TDRD9: variants seen among roughly 807,000 people sequenced by gnomAD.
TDRD9 encodes ATP-dependent RNA helicase TDRD9.
In TDRD9, 124 loss-of-function variants were observed where a neutral mutation model predicts 172.6. That is an observed-to-expected ratio of 0.72 (90% CI 0.62 to 0.83). The LOEUF is 0.83. TDRD9 is among the 40% of genes least tolerant of loss of function. The pLI, the probability that TDRD9 is intolerant of heterozygous loss-of-function variation, is 0.00. For missense variants in TDRD9, 1,479 were observed against 1,714.1 expected, an observed-to-expected ratio of 0.86 and a Z score of 2.42; for synonymous variants, 619 against 617.1, an observed-to-expected ratio of 1.00 and a Z score of -0.05.
At chr14:104,000,046 G>A (rs2034207539) in intron 13 of TDRD9, among the ~76,000 whole-genome samples, 1 of 152,166 alleles carries the variant, frequency 6.6e-6, no homozygotes, top group Non-Finnish European at 1.5e-5. Context: ...GGGTCACAGA[G>A]GCCAGGTGCG....
intron 14 of TDRD9, 50 bp from the exon 15 acceptor site, chr14:104,005,224 A>AC (rs765850902): frequency 2.9e-5 from 47 of 1,601,470 alleles, no homozygotes; most frequent in Non-Finnish European, 4.0e-5. Flanking sequence ...GAATCGGCTA[A>AC]CTGATTTAGT....
intron 32 of TDRD9, among the ~76,000 whole-genome samples, chr14:104,037,342 G>A (rs4900608): frequency 0.33 from 50,202 of 152,016 alleles, 8,465 homozygotes; most frequent in Middle Eastern, 0.37. Context: ...CATGGGACTC[G>A]TCTCCTGTTC....
At chr14:103,984,218 A>C (rs371092702) in intron 7 of TDRD9, among the ~76,000 whole-genome samples, 2 of 152,242 alleles carry the variant, frequency 1.3e-5, no homozygotes, top group East Asian at 3.8e-4. Flanking sequence ...GAGAAGTTCA[A>C]GTCAGCTGCA....
In TDRD9 at chr14:104,032,031, G is replaced by C; in HGVS notation, c.3453G>C (p.Gly1151=). 1 of 1,548,068 alleles carries C rather than the reference G, an allele frequency of 6.5e-7. No individual in the cohort carries two copies. Among genetic ancestry groups the C allele is most frequent in the Non-Finnish European group, 8.7e-7 (1 of 1,145,828 alleles). ...TGTGCACGCAGGCAGAACTTCACGGGCCTTTTAACCCTTATGAACTAAAGT... is the reference window on the plus strand; with the variant it reads ...TGTGCACGCAGGCAGAACTTCACGGCCCTTTTAACCCTTATGAACTAAAGT... ...GTPNCKAELH[G]PFNPYELKCH... The change falls in exon 30 of 36, where the codon GGG becomes GGC. Residue 1151 remains glycine, a synonymous_variant. Coordinates refer to ENST00000409874, the MANE Select transcript of TDRD9 (RefSeq NM_153046.3).
intron 2 of TDRD9, among the ~76,000 whole-genome samples, chr14:103,962,762 T>TA (rs1279601844): frequency 6.6e-6 from 1 of 152,180 alleles, no homozygotes; most frequent in African/African-American, 2.4e-5. Context: ...TTAATTTGCT[T>TA]AGATGGCCTC....
At chr14:104,023,723 A>T (rs1468504815) in intron 24 of TDRD9, among the ~76,000 whole-genome samples, 1 of 152,258 alleles carries the variant, frequency 6.6e-6, no homozygotes, top group African/African-American at 2.4e-5. Context: ...GGAGGAACTT[A>T]ACAGGAATCT....
At chr14:103,934,415 T>C (rs915136871) in intron 1 of TDRD9, among the ~76,000 whole-genome samples, 2 of 152,234 alleles carry the variant, frequency 1.3e-5, no homozygotes, top group African/African-American at 4.8e-5. Context: ...CTGTATGTAC[T>C]ATGTGCAGCT....
rs143470329 is a variant in TDRD9, at chr14:104,026,799, G to A, written c.3142G>A (p.Val1048Met). 24 of 1,613,888 alleles carry A rather than the reference G, an allele frequency of 1.5e-5. No individual in the cohort carries two copies. The highest frequency in any genetic ancestry group is 1.9e-5 in the Non-Finnish European group (23 of 1,179,900). ...ASLVSGCTLL[V>M]KVFSVVHSVL... ...TCTGGTGAGCGGCTGCACCCTCCTT[G>A]TGAAGGTCTTCTCTGTGGTGCACAG... The change falls in exon 28 of 36, where the codon GTG (valine) becomes ATG (methionine). Residue 1048 changes from valine (V) to methionine (M), a missense_variant. Physicochemically the swap from Val to Met is conservative, Grantham distance 21. Coordinates refer to ENST00000409874, the MANE Select transcript of TDRD9 (RefSeq NM_153046.3).
chr14:103,953,254 C>T (rs1440273861), intron 1 of TDRD9, among the ~76,000 whole-genome samples: 3 of 152,188 alleles, frequency 2.0e-5, no homozygotes, highest in East Asian at 1.9e-4. Context: ...CTGCTCCCTA[C>T]CCTCCATTTC....
rs75888332 is a variant in TDRD9 at position 103,980,076 on chromosome 14, G to C, written c.1011+4523G>C. ...AATTTTTTTGTGGAGATAGGGTCTT[G>C]CTATGTTGTCCAGGCTGATCTTGAA... On this transcript the variant is annotated intron_variant, in intron 7 of 35. Coordinates refer to ENST00000409874, the MANE Select transcript of TDRD9 (RefSeq NM_153046.3). This position sits in a 1 kb window ranked among gnomAD's most constrained non-coding sequence, Gnocchi z 4.5. Among the ~76,000 whole-genome samples, 1 of 152,046 alleles carries C rather than the reference G, an allele frequency of 6.6e-6. No homozygotes were observed. Among genetic ancestry groups the C allele is most frequent in the East Asian group, 1.9e-4 (1 of 5,182 alleles).
chr14:104,011,758 C>T (rs1230769870), intron 20 of TDRD9, among the ~76,000 whole-genome samples: 1 of 152,134 alleles, frequency 6.6e-6, no homozygotes, highest in African/African-American at 2.4e-5. Context: ...TGTGTACTCT[C>T]ATTGTTTCTT....
Position 104,008,434 on chromosome 14 carries a change from T to C in TDRD9, c.2074T>C (p.Leu692=), listed in dbSNP as rs779247606. 3 of 1,563,914 alleles carry C rather than the reference T, an allele frequency of 1.9e-6. No individual in the cohort carries two copies. The highest frequency in any genetic ancestry group is 2.2e-5 in the South Asian group (2 of 89,338). The change falls in exon 20 of 36, where the codon TTA becomes CTA. Residue 692 remains leucine (L), a synonymous_variant. Coordinates refer to ENST00000409874, the MANE Select transcript of TDRD9 (RefSeq NM_153046.3). The part of the protein sequence containing the change: ...YPKDELNWGR[L]NYIQIKRIRE... ...AAAGGATGAACTTAATTGGGGACGG[T>C]TAAATTACATTCAAATCAAGAGAAT...
chr14:104,046,836 C>T (rs940142319), intron 34 of TDRD9, among the ~76,000 whole-genome samples: 2 of 151,924 alleles, frequency 1.3e-5, no homozygotes, highest in African/African-American at 2.4e-5. Flanking sequence ...TTAGTAGAGA[C>T]GGGGTTTCAC....
chr14:104,001,497 A>G (rs2034260562), intron 13 of TDRD9, among the ~76,000 whole-genome samples: 1 of 152,210 alleles, frequency 6.6e-6, no homozygotes, highest in Admixed American at 6.5e-5. Flanking sequence ...CCGTGTAAAT[A>G]AAACAGCTGT....
At chr14:103,938,406 GTGTGTGTGTATATA>G (rs149280324) in intron 1 of TDRD9, among the ~76,000 whole-genome samples, 179 of 74,498 alleles carry the variant, frequency 2.4e-3, no homozygotes, top group East Asian at 5.4e-3. Context: ...GTGTGTGTGT[GTGTGTGTGTATATA>G]TATATATATA....
Position 103,928,647 on chromosome 14 carries a change from G to A in TDRD9, c.138G>A (p.Val46=). Residue 46 remains valine, a synonymous_variant, in exon 1 of 36, where the codon GTG becomes GTA. Coordinates refer to ENST00000409874, the MANE Select transcript of TDRD9 (RefSeq NM_153046.3). ...GGGAGGAGGTGCAGCGCCAGGACGTGGCCCCCGGCGCTGGTCCCGCGGCCC... is the reference window on the plus strand; with the variant it reads ...GGGAGGAGGTGCAGCGCCAGGACGTAGCCCCCGGCGCTGGTCCCGCGGCCC... ...AAREEVQRQD[V]APGAGPAAQA... 1 of 1,271,430 alleles carries A rather than the reference G, an allele frequency of 7.9e-7. No homozygotes were observed. Among genetic ancestry groups the A allele is most frequent in the Non-Finnish European group, 1.0e-6 (1 of 995,902 alleles). 78.8% of individuals were successfully genotyped at this position (1,271,430 alleles called of 1,614,324 possible).
chr14:104,023,476 T>C (rs2035026328), intron 24 of TDRD9, among the ~76,000 whole-genome samples: 1 of 152,244 alleles, frequency 6.6e-6, no homozygotes, highest in South Asian at 2.1e-4. Flanking sequence ...AAATGGCATC[T>C]TTCCCTCCCG....
At chr14:103,984,091 C>G (rs1182248863) in intron 7 of TDRD9, among the ~76,000 whole-genome samples, 3 of 152,130 alleles carry the variant, frequency 2.0e-5, no homozygotes, top group Non-Finnish European at 2.9e-5. Context: ...GCAAGGCATT[C>G]AAGAGGTGTC....
At position 104,040,237 on chromosome 14, in the gene TDRD9, G is replaced by C; in HGVS notation, c.3758G>C (p.Gly1253Ala). 1 of 1,551,154 alleles carries C rather than the reference G, an allele frequency of 6.4e-7. No individual in the cohort carries two copies. Among genetic ancestry groups the C allele is most frequent in the Non-Finnish European group, 8.7e-7 (1 of 1,146,656 alleles). ...NGKYYTGVLCGLGWNPATGAS... is the reference protein window; with the variant it reads ...NGKYYTGVLCALGWNPATGAS... ...AAGTACTATACTGGAGTCCTTTGTGGTTTGGGGTGGAATCCAGCTACAGGG... is the reference window on the plus strand; with the variant it reads ...AAGTACTATACTGGAGTCCTTTGTGCTTTGGGGTGGAATCCAGCTACAGGG... Residue 1253 changes from glycine to alanine, a missense_variant, in exon 33 of 36, where the codon GGT becomes GCT. Physicochemically the swap from Gly to Ala is moderately conservative, Grantham distance 60. Transcript: ENST00000409874.
Sources: gnomAD v4.1 joint callset for allele counts (sites outside exome capture counted in the v4.1 genomes callset) on GRCh38, gnomAD v4.1.1 for gene constraint, Gnocchi (gnomAD v3.1) non-coding constraint, MANE v1.5 for transcripts, NCBI Gene and HGNC (gene_info 2026-07-23, HGNC 2026-07-21) for gene names.